Variants in RFPL1 observed in about 807,000 individuals in gnomAD.
RFPL1 encodes ret finger protein like 1, also known as ret finger protein-like 1.
RFPL1 carries 6 observed loss-of-function variants against 9.6 expected under a neutral mutation model. That is an observed-to-expected ratio of 0.62 (90% confidence interval 0.34 to 1.23). The LOEUF is 1.23. RFPL1 is among the 50% of genes most tolerant of loss of function. RFPL1 has a pLI of 0.03. For missense variants in RFPL1, 352 were observed against 398.4 expected, an observed-to-expected ratio of 0.88 and a Z score of 0.99; for synonymous variants, 145 against 149.4, an observed-to-expected ratio of 0.97 and a Z score of 0.22.
the RFPL1 span, among the ~76,000 whole-genome samples, chr22:29,396,087 A>G: frequency 1.3e-5 from 2 of 152,214 alleles, no homozygotes; most frequent in African/African-American, 4.8e-5. Flanking sequence ...AGAAAAGAGA[A>G]GAGAAGAGGC....
At chr22:29,389,698 A>G in the RFPL1 span, among the ~76,000 whole-genome samples, 1 of 151,926 alleles carries the variant, frequency 6.6e-6, no homozygotes, top group Non-Finnish European at 1.5e-5. Context: ...AAAAAAAAAA[A>G]AAGAAAAAAG....
chr22:29,394,927 A>G, the RFPL1 span, among the ~76,000 whole-genome samples: 1 of 152,060 alleles, frequency 6.6e-6, no homozygotes, highest in Non-Finnish European at 1.5e-5. Flanking sequence ...TACCTGCTTC[A>G]TGAGGTTTCA....
At chr22:29,435,500 T>C (rs5763235), upstream of RFPL1, among the ~76,000 whole-genome samples, 2 of 152,196 alleles carry the variant, frequency 1.3e-5, no homozygotes, top group African/African-American at 2.4e-5. Flanking sequence ...TTACATGTGG[T>C]TGTGGAGTGA....
chr22:29,431,661 T>C, the RFPL1 span, among the ~76,000 whole-genome samples: 1 of 151,912 alleles, frequency 6.6e-6, no homozygotes, highest in Non-Finnish European at 1.5e-5. Context: ...AAAAAAGTTA[T>C]TTCAGCGTGT....
chr22:29,406,551 T>C, the RFPL1 span, among the ~76,000 whole-genome samples: 2 of 152,216 alleles, frequency 1.3e-5, no homozygotes, highest in African/African-American at 4.8e-5. Context: ...CTTTTCTATA[T>C]TGTCTCATCT....
chr22:29,416,625 G>A, the RFPL1 span, among the ~76,000 whole-genome samples: 14 of 152,252 alleles, frequency 9.2e-5, no homozygotes, highest in East Asian at 1.4e-3. Flanking sequence ...GGTTCTGGAG[G>A]GTCGCAGGGA....
At chr22:29,405,792 G>A in the RFPL1 span, among the ~76,000 whole-genome samples, 4 of 152,108 alleles carry the variant, frequency 2.6e-5, no homozygotes, top group Non-Finnish European at 5.9e-5. Flanking sequence ...CCCGTCCCTC[G>A]GGGCTAATGT....
the RFPL1 span, among the ~76,000 whole-genome samples, chr22:29,394,397 C>T: frequency 9.4e-4 from 142 of 151,724 alleles, no homozygotes; most frequent in African/African-American, 2.2e-3. Context: ...GGCTGGAGTG[C>T]GGTGGTGCGG....
chr22:29,437,184 A>AT (rs1359334605), upstream of RFPL1: 2 of 158,972 alleles, frequency 1.3e-5, no homozygotes, highest in African/African-American at 2.4e-5. Context: ...GAATTATGAA[A>AT]TTTTTTCAAA....
At chr22:29,404,364 C>T in the RFPL1 span, among the ~76,000 whole-genome samples, 1 of 152,288 alleles carries the variant, frequency 6.6e-6, no homozygotes, top group African/African-American at 2.4e-5. Context: ...CACCCAGAAG[C>T]TTTGCTTTGT....
the RFPL1 span, among the ~76,000 whole-genome samples, chr22:29,426,238 G>A: frequency 6.6e-5 from 10 of 151,876 alleles, no homozygotes; most frequent in Admixed American, 3.9e-4. Flanking sequence ...CAGGAGAATC[G>A]CTTGAATCCG....
chr22:29,434,305 A>G (rs1190768172), upstream of RFPL1: 2 of 152,228 alleles, frequency 1.3e-5, no homozygotes, highest in African/African-American at 4.8e-5. Flanking sequence ...AATAATCAAA[A>G]TGTAAAAAGA....
At chr22:29,410,927 C>G in the RFPL1 span, among the ~76,000 whole-genome samples, 1 of 152,214 alleles carries the variant, frequency 6.6e-6, no homozygotes, top group Non-Finnish European at 1.5e-5. Context: ...GTGGCTGCAG[C>G]CAGTCCTCAT....
chr22:29,412,120 A>T, the RFPL1 span, among the ~76,000 whole-genome samples: 1 of 152,146 alleles, frequency 6.6e-6, no homozygotes, highest in Non-Finnish European at 1.5e-5. Context: ...AATTGGTGAG[A>T]GGGGCAGAAC....
At chr22:29,438,961 G>A in exon 1 of RFPL1, 5 of 1,613,944 alleles carry the variant, frequency 3.1e-6, no homozygotes, top group Non-Finnish European at 4.2e-6. Flanking sequence ...GAGTGTGGAT[G>A]CGCTGTCTGC....
chr22:29,417,938 G>GTT, the RFPL1 span, among the ~76,000 whole-genome samples: 69 of 129,352 alleles, frequency 5.3e-4, no homozygotes, highest in African/African-American at 7.7e-4. Context: ...ACCTTGAATG[G>GTT]TTTTTTTTTT....
chr22:29,442,329 G>C (rs2062845112), exon 2 of RFPL1: 5 of 406,286 alleles, frequency 1.2e-5, no homozygotes, highest in Admixed American at 4.0e-5. Flanking sequence ...TGAGTCTTAT[G>C]GTTCACATCT....
At chr22:29,391,480 T>A in the RFPL1 span, among the ~76,000 whole-genome samples, 1 of 152,148 alleles carries the variant, frequency 6.6e-6, no homozygotes, top group Non-Finnish European at 1.5e-5. Flanking sequence ...CAAAATTTCA[T>A]TGGGAATGTA....
chr22:29,398,966 G>C, the RFPL1 span, among the ~76,000 whole-genome samples: 2 of 152,170 alleles, frequency 1.3e-5, no homozygotes, highest in African/African-American at 4.8e-5. Flanking sequence ...TAGAAGACAA[G>C]TTACACAAGA....
Sources: allele counts gnomAD v4.1 joint callset (sites outside exome capture counted in the v4.1 genomes callset), GRCh38; gene constraint gnomAD v4.1.1; transcripts MANE v1.5; gene names NCBI Gene and HGNC (gene_info 2026-07-23, HGNC 2026-07-21).